Variants in TENM3 observed in about 807,000 individuals in gnomAD.
TENM3 encodes the protein teneurin transmembrane protein 3.
In TENM3, 63 loss-of-function variants were observed where a neutral mutation model predicts 255.1. The ratio of observed to expected loss-of-function variants is 0.25; its 90% CI spans 0.20 to 0.30. The LOEUF (loss-of-function observed/expected upper bound fraction) is 0.30, where lower values mean the gene tolerates loss of function less well. Among genes scored for constraint, TENM3 ranks in the 10% least tolerant of loss-of-function variants. The pLI is 1.00. For missense variants in TENM3, 2,929 were observed against 3,461.1 expected, an observed-to-expected ratio of 0.85 and a Z score of 3.86; for synonymous variants, 1,306 against 1,322.3, an observed-to-expected ratio of 0.99 and a Z score of 0.27.
chr4:181,755,696 A>G, the TENM3 span, among the ~76,000 whole-genome samples: 1 of 152,096 alleles, frequency 6.6e-6, no homozygotes, highest in East Asian at 1.9e-4. Context: ...ACATCAATAC[A>G]TGCATTTCTG....
At chr4:181,488,415 T>G in the TENM3 span, among the ~76,000 whole-genome samples, 1 of 152,178 alleles carries the variant, frequency 6.6e-6, no homozygotes, top group African/African-American at 2.4e-5. Flanking sequence ...TCTGTGGGGA[T>G]TTGAAACAAA....
At chr4:182,638,321 G>C (rs1248456769) in intron 5 of TENM3, among the ~76,000 whole-genome samples, 1 of 152,148 alleles carries the variant, frequency 6.6e-6, no homozygotes, top group Non-Finnish European at 1.5e-5. Flanking sequence ...TACTCAATCT[G>C]TTTTGAAGAA....
rs569479368 is a variant in TENM3, at chr4:182,763,301, A to G, written c.4892+8042A>G. On this transcript the variant is annotated intron_variant, in intron 22 of 27. Coordinates refer to ENST00000511685, the MANE Select transcript of TENM3 (RefSeq NM_001080477.4). ...GATGGGGGCGGGCGCGGTGGCTCAC[A>G]CCTGTAATCCCAACAACACTTTGGG... Among the ~76,000 whole-genome samples the G allele has an allele frequency of 7.9e-5, 12 of 152,298 alleles. No homozygotes were observed. In the East Asian group the frequency reaches 1.2e-3, roughly 15 times the overall value.
At chr4:182,736,331 T>C (rs1178572205) in intron 16 of TENM3, among the ~76,000 whole-genome samples, 4 of 152,238 alleles carry the variant, frequency 2.6e-5, no homozygotes, top group African/African-American at 4.8e-5. Flanking sequence ...TGGCCTAGAC[T>C]GCATCCCTGT....
At chr4:182,232,792 C>T (rs72696067) in intron 1 of TENM3, among the ~76,000 whole-genome samples, 4,202 of 152,190 alleles carry the variant, frequency 0.028, 60 homozygotes, top group Middle Eastern at 0.048. Context: ...GTACCAAACC[C>T]CATACACACC....
chr4:182,423,435 T>A (rs1355307343), intron 3 of TENM3, among the ~76,000 whole-genome samples: 2 of 152,204 alleles, frequency 1.3e-5, no homozygotes, highest in Non-Finnish European at 2.9e-5. Context: ...TGCATTATTC[T>A]TTCCGGCTCT....
chr4:182,587,362 G>C (rs1344842078), intron 3 of TENM3, among the ~76,000 whole-genome samples: 1 of 152,112 alleles, frequency 6.6e-6, no homozygotes, highest in Non-Finnish European at 1.5e-5. Flanking sequence ...GAGGTCAGGA[G>C]TTCAAGACCA....
chr4:181,874,674 G>C, the TENM3 span: 5 of 152,156 alleles, frequency 3.3e-5, no homozygotes, highest in Admixed American at 1.3e-4. Flanking sequence ...GACCCACAGA[G>C]ACTCCACACA....
At chr4:182,140,562 A>G (rs1444305940), upstream of TENM3, among the ~76,000 whole-genome samples, 5 of 152,186 alleles carry the variant, frequency 3.3e-5, no homozygotes, top group Admixed American at 1.3e-4. Context: ...AGTCCAAACA[A>G]TAGGTAAACT....
chr4:182,665,992 A>T (rs1754646398), intron 6 of TENM3, among the ~76,000 whole-genome samples: 3 of 152,172 alleles, frequency 2.0e-5, no homozygotes, highest in African/African-American at 7.2e-5. Flanking sequence ...TAACATTAGC[A>T]AGAGTTTGGA....
chr4:181,610,362 C>T, the TENM3 span, among the ~76,000 whole-genome samples: 1 of 152,300 alleles, frequency 6.6e-6, no homozygotes, highest in African/African-American at 2.4e-5. Flanking sequence ...ACAAAGGTGC[C>T]ATTAAAGCAG....
the TENM3 span, among the ~76,000 whole-genome samples, chr4:181,903,954 G>T: frequency 6.6e-6 from 1 of 152,076 alleles, no homozygotes; most frequent in Admixed American, 6.5e-5. Context: ...ATAAAACAAT[G>T]ATTTCCATGT....
chr4:182,129,163 T>C, the TENM3 span, among the ~76,000 whole-genome samples: 1 of 152,166 alleles, frequency 6.6e-6, no homozygotes. Context: ...CATAATATCA[T>C]CTGAAAAAAT....
the TENM3 span, among the ~76,000 whole-genome samples, chr4:181,906,669 A>G: frequency 6.6e-6 from 1 of 152,176 alleles, no homozygotes; most frequent in Admixed American, 6.6e-5. Flanking sequence ...TGAGGGCTGC[A>G]GATTGGGAAT....
intron 3 of TENM3, among the ~76,000 whole-genome samples, chr4:182,555,247 C>CTG (rs1356457685): frequency 6.6e-6 from 1 of 151,920 alleles, no homozygotes; most frequent in Admixed American, 6.6e-5. Context: ...ATAAATTTAA[C>CTG]TGTGTGTTGC....
the TENM3 span, among the ~76,000 whole-genome samples, chr4:181,722,138 G>C: frequency 2.6e-5 from 4 of 152,192 alleles, no homozygotes; most frequent in Admixed American, 1.3e-4. Context: ...TGTCAGGCTA[G>C]TGTGAAGAGA....
the TENM3 span, among the ~76,000 whole-genome samples, chr4:181,472,246 G>C: frequency 5.8e-3 from 878 of 152,282 alleles, 8 homozygotes; most frequent in Non-Finnish European, 9.4e-3. Flanking sequence ...GTAGGAGGCT[G>C]TTTGACAATG....
the TENM3 span, among the ~76,000 whole-genome samples, chr4:181,670,540 T>C: frequency 2.0e-5 from 3 of 152,202 alleles, no homozygotes; most frequent in Non-Finnish European, 4.4e-5. Context: ...CCCATATATG[T>C]GATCTTTTGA....
the TENM3 span, among the ~76,000 whole-genome samples, chr4:181,725,678 G>A: frequency 4.0e-5 from 6 of 151,796 alleles, no homozygotes; most frequent in East Asian, 1.9e-4. Flanking sequence ...TCCTGACCTC[G>A]TAATCCACCC....
Sources: gnomAD v4.1 joint callset for allele counts (sites outside exome capture counted in the v4.1 genomes callset) on GRCh38, gnomAD v4.1.1 for gene constraint, MANE v1.5 for transcripts, NCBI Gene and HGNC (gene_info 2026-07-23, HGNC 2026-07-21) for gene names.